Variants in FGF13 observed in about 807,000 individuals in gnomAD.
The protein encoded by FGF13 is fibroblast growth factor 13, also known as fibroblast growth factor homologous factor 2.
A neutral mutation model predicts 19.5 loss-of-function variants in FGF13; 2 were observed. The observed-to-expected ratio is 0.10, with a 90% confidence interval of 0.04 to 0.32. The LOEUF (loss-of-function observed/expected upper bound fraction) is 0.32. Among genes scored for constraint, FGF13 ranks in the 10% least tolerant of loss-of-function variants. The pLI, the probability that FGF13 is intolerant of heterozygous loss-of-function variation, is 1.00. For synonymous variants in FGF13, 72 were observed against 76.9 expected, an observed-to-expected ratio of 0.94 and a Z score of 0.33; for missense variants, 113 against 192.7, an observed-to-expected ratio of 0.59 and a Z score of 2.45.
intron 3 of FGF13, among the ~76,000 whole-genome samples, chrX:138,812,105 C>T (rs1191507356): frequency 2.7e-5 from 3 of 111,380 alleles, no homozygotes; most frequent in African/African-American, 9.8e-5. Context: ...AAGCACTAAC[C>T]TACCATCTGT....
intron 3 of FGF13, among the ~76,000 whole-genome samples, chrX:138,797,203 T>G (rs2090785757): frequency 8.9e-6 from 1 of 112,087 alleles, no homozygotes; most frequent in Admixed American, 9.5e-5. Context: ...TATGTTTATG[T>G]CTTTAATCCA....
chrX:138,855,304 T>A (rs1447255087), downstream of FGF13, among the ~76,000 whole-genome samples: 1 of 111,979 alleles, frequency 8.9e-6, no homozygotes, highest in Non-Finnish European at 1.9e-5. Flanking sequence ...GCCTTCTGGA[T>A]CCTGTTAACT....
In FGF13 at chrX:138,711,311, C is replaced by A; in HGVS notation, c.-308G>T. ...ACGCGGATGCTGAACTGCGCGACTGCGTGTGGTCGGCCCCTGCGCCCGGCG... is the reference window on the plus strand; with the variant it reads ...ACGCGGATGCTGAACTGCGCGACTGAGTGTGGTCGGCCCCTGCGCCCGGCG... On this transcript the variant is annotated 5_prime_UTR_variant, in exon 1 of 5. Coordinates refer to ENST00000315930, the MANE Select transcript of FGF13 (RefSeq NM_004114.5). 2.3e-6 allele frequency: 2 copies of A among 881,780 alleles called. No homozygotes were observed. Among genetic ancestry groups the A allele is most frequent in the Non-Finnish European group, 2.8e-6 (2 of 720,014 alleles). 72.7% of individuals were successfully genotyped at this position (881,780 alleles called of 1,213,427 possible).
At chrX:138,934,431 C>T (rs764646424) in intron 1 of FGF13, among the ~76,000 whole-genome samples, 13 of 112,243 alleles carry the variant, frequency 1.2e-4, no homozygotes, top group Non-Finnish European at 2.4e-4. Flanking sequence ...CATGGGCAAG[C>T]AGAAATGACC....
intron 1 of FGF13, among the ~76,000 whole-genome samples, chrX:138,938,617 T>A (rs946134274): frequency 1.6e-3 from 177 of 111,508 alleles, no homozygotes; most frequent in African/African-American, 5.5e-3. Flanking sequence ...GCCCCTGGCA[T>A]AGTCTCACCC....
At chrX:139,159,074 G>A (rs746006653) in intron 1 of FGF13, among the ~76,000 whole-genome samples, 19 of 111,959 alleles carry the variant, frequency 1.7e-4, no homozygotes, top group Non-Finnish European at 3.4e-4. Flanking sequence ...AGGGCAGCCA[G>A]AGAGAAAGGT....
At chrX:139,000,942 A>G (rs1050759006) in intron 1 of FGF13, among the ~76,000 whole-genome samples, 7 of 112,032 alleles carry the variant, frequency 6.2e-5, no homozygotes, top group African/African-American at 2.3e-4. Context: ...CTATACTACA[A>G]GGCTACAGCA....
At chrX:138,795,686 CT>C (rs1447999099) in intron 3 of FGF13, among the ~76,000 whole-genome samples, 2 of 111,490 alleles carry the variant, frequency 1.8e-5, no homozygotes, top group Non-Finnish European at 3.8e-5. Flanking sequence ...AATCAGGATA[CT>C]TTTGAAGATA....
chrX:138,711,181 C>G lies in FGF13; in HGVS notation c.-178G>C. 2 of 1,061,806 alleles carry G rather than the reference C, an allele frequency of 1.9e-6. No individual in the cohort carries two copies. Among genetic ancestry groups the G allele is most frequent in the Middle Eastern group, 3.8e-4 (1 of 2,636 alleles). The allele number at this position is 1,061,806 out of a possible 1,213,427, so 87.5% of individuals were successfully genotyped here. ...CAGCCAAGGAGGGGGCTCAGCATGC[C>G]GTCCGAGCTCCTCCGGCGGCGGTCC... On this transcript the variant is annotated 5_prime_UTR_variant, in exon 1 of 5. Coordinates refer to ENST00000315930, the MANE Select transcript of FGF13 (RefSeq NM_004114.5).
chrX:138,731,945 C>T (rs1242014852), intron 1 of FGF13, among the ~76,000 whole-genome samples: 1 of 111,453 alleles, frequency 9.0e-6, no homozygotes, highest in African/African-American at 3.2e-5. Context: ...CAAATACTTC[C>T]TTAAAGAATA....
At chrX:139,003,667 T>C (rs983639025) in intron 1 of FGF13, among the ~76,000 whole-genome samples, 8 of 110,812 alleles carry the variant, frequency 7.2e-5, no homozygotes, top group African/African-American at 2.6e-4. Context: ...CCAGAGCAGC[T>C]AGATACAGAG....
At chrX:138,981,034 G>T (rs867334901) in intron 1 of FGF13, among the ~76,000 whole-genome samples, 20 of 111,144 alleles carry the variant, frequency 1.8e-4, no homozygotes, top group African/African-American at 6.6e-4. Flanking sequence ...AATATGGGAT[G>T]AAATCAGAAA....
At chrX:139,176,410 T>G (rs901475449) in intron 1 of FGF13, among the ~76,000 whole-genome samples, 5 of 105,972 alleles carry the variant, frequency 4.7e-5, no homozygotes, top group Non-Finnish European at 3.9e-5. Flanking sequence ...TCTATCTCCT[T>G]CAGTTCTGCT....
Position 139,096,332 on chromosome X carries a change from T to C in FGF13, c.-113+107084A>G, listed in dbSNP as rs112201408. Among the ~76,000 whole-genome samples the C allele has an allele frequency of 1.5e-3, 163 of 111,961 alleles. 2 individuals carry two copies. The highest frequency in any genetic ancestry group is 5.3e-3 in the African/African-American group (162 of 30,832). Reference sequence around the variant, plus strand: ...TTCATGGATCAGGTAGAATTTGCGATGAGCCTTGAGAAGCAATGAGTATTT... The same window carrying C: ...TTCATGGATCAGGTAGAATTTGCGACGAGCCTTGAGAAGCAATGAGTATTT... On this transcript the variant is annotated intron_variant, in intron 1 of 2. Coordinates refer to the FGF13 transcript ENST00000421460.
chrX:138,752,250 A>C (rs974188811), intron 3 of FGF13, among the ~76,000 whole-genome samples: 11 of 110,902 alleles, frequency 9.9e-5, no homozygotes, highest in African/African-American at 3.3e-4. Flanking sequence ...AACATGGGGA[A>C]ATCTCGTCTC....
At chrX:139,067,770 T>C (rs759602337) in intron 1 of FGF13, among the ~76,000 whole-genome samples, 202 of 112,414 alleles carry the variant, frequency 1.8e-3, no homozygotes, top group Non-Finnish European at 3.4e-3. Context: ...CTTCACAGAA[T>C]TGAATAAAAC....
chrX:139,147,862 GTT>G (rs34718422), intron 1 of FGF13, among the ~76,000 whole-genome samples: 2 of 101,128 alleles, frequency 2.0e-5, no homozygotes, highest in African/African-American at 3.6e-5. Flanking sequence ...GTAACTCTGG[GTT>G]TTTTTTTTTT....
At chrX:138,684,436 T>C (rs2089759544) in intron 3 of FGF13, among the ~76,000 whole-genome samples, 5 of 111,804 alleles carry the variant, frequency 4.5e-5, no homozygotes, top group Admixed American at 3.8e-4. Context: ...ATTTTTTTTC[T>C]GTCTTTGGCT....
Position 138,618,479 on chromosome X carries a change from C to T in FGF13, c.*14371G>A, listed in dbSNP as rs2088987754. The T allele has an allele frequency of 9.0e-6, 1 of 111,504 alleles. No individual in the cohort carries two copies. Among genetic ancestry groups the T allele is most frequent in the Non-Finnish European group, 1.9e-5 (1 of 53,153 alleles). 9.2% of individuals were successfully genotyped at this position (111,504 alleles called of 1,213,427 possible). ...GAACAGCGGTAGGGGCTCACAGCAA[C>T]CAGAGACTGGAAATTCAACAAAAGG... On this transcript the variant is annotated 3_prime_UTR_variant, in exon 5 of 5. Coordinates refer to ENST00000315930, the MANE Select transcript of FGF13 (RefSeq NM_004114.5).
Sources: allele counts gnomAD v4.1 joint callset (sites outside exome capture counted in the v4.1 genomes callset), GRCh38; gene constraint gnomAD v4.1.1; transcripts MANE v1.5; gene names NCBI Gene and HGNC (gene_info 2026-07-23, HGNC 2026-07-21).